The following FRMPD4 variants were observed in gnomAD, a reference collection of about 807,000 sequenced individuals.
FRMPD4 encodes FERM and PDZ domain containing 4.
In FRMPD4, 22 loss-of-function variants were observed where a neutral mutation model predicts 94.1. The ratio of observed to expected loss-of-function variants is 0.23; its 90% CI spans 0.17 to 0.33. The LOEUF is 0.33. Ranked by LOEUF, FRMPD4 falls within the 10% of genes least tolerant of loss-of-function variation. The pLI, the probability that FRMPD4 is intolerant of heterozygous loss-of-function variation, is 1.00. For missense variants in FRMPD4, 1,111 were observed against 1,339.9 expected (o/e 0.83, Z 2.67); for synonymous variants, 631 against 548.6 (o/e 1.15, Z -2.10).
Position 12,461,027 on chromosome X carries a change from T to A in FRMPD4, c.42-37653T>A, listed in dbSNP as rs6640997. Reference sequence around the variant, plus strand: ...ACTCTCTCTTATACAAAATAATAGTTATTAATAGCAAGTTTCTTTTCTTTC... The same window carrying A: ...ACTCTCTCTTATACAAAATAATAGTAATTAATAGCAAGTTTCTTTTCTTTC... On this transcript the variant is annotated intron_variant, in intron 1 of 16. Coordinates refer to ENST00000675598, the MANE Select transcript of FRMPD4 (RefSeq NM_001368397.1). Among the ~76,000 whole-genome samples the A allele has an allele frequency of 8.2e-3, 915 of 112,224 alleles. 11 individuals carry two copies. Among genetic ancestry groups the A allele is most frequent in the African/African-American group, 0.028 (865 of 30,964 alleles).
At chrX:12,408,265 G>C (rs1280501650) in intron 1 of FRMPD4, among the ~76,000 whole-genome samples, 1 of 106,645 alleles carries the variant, frequency 9.4e-6, no homozygotes, top group Non-Finnish European at 1.9e-5. Context: ...TTTCTGTTAA[G>C]AAGCAATTTT....
chrX:12,442,910 GAC>G (rs2057154858), intron 1 of FRMPD4, among the ~76,000 whole-genome samples: 1 of 111,967 alleles, frequency 8.9e-6, no homozygotes, highest in South Asian at 3.7e-4. Flanking sequence ...TAAAAAGAGT[GAC>G]GTATTGGTAC....
intron 1 of FRMPD4, among the ~76,000 whole-genome samples, chrX:12,446,594 G>T (rs747666411): frequency 1.4e-3 from 63 of 45,211 alleles, no homozygotes; most frequent in African/African-American, 3.1e-3. Context: ...TTCTCTTGTG[G>T]TAGTGAATAA....
chrX:12,720,396 G>A (rs2042216261), intron 16 of FRMPD4, 138 bp from the exon 17 acceptor site: 1 of 534,063 alleles, frequency 1.9e-6, no homozygotes, highest in African/African-American at 2.3e-5. Context: ...TCTTTGGAAA[G>A]CAGGGTGACC....
At chrX:12,361,333 G>A (rs1267279830) in intron 1 of FRMPD4, among the ~76,000 whole-genome samples, 4 of 112,494 alleles carry the variant, frequency 3.6e-5, no homozygotes, top group Non-Finnish European at 7.5e-5. Flanking sequence ...GGAAACCTCT[G>A]TAGGACTGCA....
intron 2 of FRMPD4, among the ~76,000 whole-genome samples, chrX:12,529,088 C>T (rs764438734): frequency 1.9e-4 from 21 of 112,702 alleles, no homozygotes; most frequent in Non-Finnish European, 3.2e-4. Context: ...CCCAGGGTCT[C>T]TCACAAGGCT....
intron 1 of FRMPD4, among the ~76,000 whole-genome samples, chrX:12,355,594 A>G (rs2055883897): frequency 8.9e-6 from 1 of 112,281 alleles, no homozygotes; most frequent in Non-Finnish European, 1.9e-5. Context: ...TAGGTGCCTG[A>G]GGAAAGTGGG....
intron 3 of FRMPD4, among the ~76,000 whole-genome samples, chrX:11,970,787 C>A (rs1385807608): frequency 9.0e-6 from 1 of 111,714 alleles, no homozygotes; most frequent in African/African-American, 3.3e-5. Context: ...GGCTCTGATC[C>A]CAAAAGCCTG....
At chrX:12,336,370 T>C (rs1045932196) in intron 1 of FRMPD4, among the ~76,000 whole-genome samples, 1 of 112,064 alleles carries the variant, frequency 8.9e-6, no homozygotes, top group Non-Finnish European at 1.9e-5. Context: ...AACCTCATCT[T>C]GGTAGCCCTG....
chrX:11,865,516 G>A (rs958232392), intron 2 of FRMPD4, among the ~76,000 whole-genome samples: 1 of 111,875 alleles, frequency 8.9e-6, no homozygotes. Flanking sequence ...ATTCTATGCT[G>A]AGCCTAGTGC....
intron 3 of FRMPD4, among the ~76,000 whole-genome samples, chrX:11,920,889 G>C (rs2091419): frequency 0.35 from 38,865 of 110,629 alleles, 5,452 homozygotes; most frequent in East Asian, 0.81. Context: ...TTTACCTTCA[G>C]TATCCCCCAA....
intron 1 of FRMPD4, among the ~76,000 whole-genome samples, chrX:11,834,965 A>C (rs2053493689): frequency 8.9e-6 from 1 of 112,028 alleles, no homozygotes; most frequent in South Asian, 3.7e-4. Flanking sequence ...AGAAAAGGAG[A>C]AAAGGATCTG....
chrX:12,229,345 T>G (rs2056958547), intron 1 of FRMPD4, among the ~76,000 whole-genome samples: 1 of 112,035 alleles, frequency 8.9e-6, no homozygotes, highest in South Asian at 3.7e-4. Flanking sequence ...CAGTTTCTTC[T>G]TTTGCAGAGA....
chrX:12,183,680 C>T (rs2056389351), intron 1 of FRMPD4, among the ~76,000 whole-genome samples: 2 of 111,127 alleles, frequency 1.8e-5, no homozygotes, highest in South Asian at 7.6e-4. Context: ...TTATATATAG[C>T]GAGCGTAATG....
intron 1 of FRMPD4, among the ~76,000 whole-genome samples, chrX:12,323,396 C>T (rs2055239355): frequency 8.9e-6 from 1 of 111,740 alleles, no homozygotes; most frequent in African/African-American, 3.3e-5. Context: ...GTTAAACCAG[C>T]AGGAGTGAAG....
chrX:12,205,876 AAAG>A (rs1199144093), intron 1 of FRMPD4, among the ~76,000 whole-genome samples: 1 of 112,389 alleles, frequency 8.9e-6, no homozygotes, highest in Admixed American at 9.4e-5. Flanking sequence ...TTATAGATTC[AAAG>A]AAGAAGACAC....
intron 3 of FRMPD4, among the ~76,000 whole-genome samples, chrX:12,059,216 T>C (rs1285323878): frequency 1.8e-5 from 2 of 111,926 alleles, no homozygotes; most frequent in Non-Finnish European, 3.8e-5. Flanking sequence ...TCTAAATCCT[T>C]ACTAACTTGT....
At chrX:12,232,042 A>G (rs2057016023) in intron 1 of FRMPD4, among the ~76,000 whole-genome samples, 1 of 111,498 alleles carries the variant, frequency 9.0e-6, no homozygotes. Context: ...GAGAAGACAT[A>G]AATGAGGGCC....
At chrX:12,564,532 G>T (rs2058692871) in intron 2 of FRMPD4, among the ~76,000 whole-genome samples, 1 of 111,836 alleles carries the variant, frequency 8.9e-6, no homozygotes, top group Non-Finnish European at 1.9e-5. Context: ...TCCCCAAAAT[G>T]ACTCTGATCT....
Sources: allele counts gnomAD v4.1 joint callset (sites outside exome capture counted in the v4.1 genomes callset), GRCh38; gene constraint gnomAD v4.1.1; transcripts MANE v1.5; gene names NCBI Gene and HGNC (gene_info 2026-07-23, HGNC 2026-07-21).